SYNDIG1: variants seen among roughly 807,000 people sequenced by gnomAD.
SYNDIG1 encodes synapse differentiation-inducing gene protein 1.
A neutral mutation model predicts 19.4 loss-of-function variants in SYNDIG1; 9 were observed. That is an observed-to-expected ratio of 0.46 (90% CI 0.28 to 0.81). SYNDIG1 has a LOEUF of 0.81. Among genes scored for constraint, SYNDIG1 ranks in the 30% least tolerant of loss-of-function variants. The pLI, the probability that SYNDIG1 is intolerant of heterozygous loss-of-function variation, is 0.12. For missense variants in SYNDIG1, 311 were observed against 343.3 expected (o/e 0.91, Z 0.74); for synonymous variants, 141 against 145.9 (o/e 0.97, Z 0.24).
At chr20:24,575,732 T>G (rs535478734) in intron 2 of SYNDIG1, among the ~76,000 whole-genome samples, 1 of 152,354 alleles carries the variant, frequency 6.6e-6, no homozygotes, top group East Asian at 1.9e-4. Flanking sequence ...TTAGGAATAT[T>G]GGACTAGATA....
At chr20:24,515,163 A>G (rs916015943) in intron 1 of SYNDIG1, among the ~76,000 whole-genome samples, 3 of 152,240 alleles carry the variant, frequency 2.0e-5, no homozygotes, top group African/African-American at 7.2e-5. Context: ...AATGCCCACA[A>G]GAGAAAGCAG....
At chr20:24,528,178 A>G (rs1568613037) in intron 1 of SYNDIG1, among the ~76,000 whole-genome samples, 1 of 152,216 alleles carries the variant, frequency 6.6e-6, no homozygotes, top group Non-Finnish European at 1.5e-5. Context: ...TAATGCTAGA[A>G]ATAACAGTTT....
intron 3 of SYNDIG1, among the ~76,000 whole-genome samples, chr20:24,644,430 C>T (rs1374762364): frequency 6.6e-6 from 1 of 152,234 alleles, no homozygotes; most frequent in African/African-American, 2.4e-5. Context: ...TAGTGCTTTG[C>T]ATAGCACTGG....
At chr20:24,645,604 G>A (rs2059415563) in intron 3 of SYNDIG1, among the ~76,000 whole-genome samples, 1 of 152,214 alleles carries the variant, frequency 6.6e-6, no homozygotes, top group Non-Finnish European at 1.5e-5. Context: ...TCAGCTTTGA[G>A]CCCTCTGGGC....
At chr20:24,558,323 T>G (rs1212127337) in intron 2 of SYNDIG1, among the ~76,000 whole-genome samples, 4 of 152,238 alleles carry the variant, frequency 2.6e-5, no homozygotes, top group African/African-American at 9.6e-5. Flanking sequence ...TCTAATAATA[T>G]TTTCTGTCTT....
chr20:24,630,437 A>G (rs1416806061), intron 3 of SYNDIG1, among the ~76,000 whole-genome samples: 2 of 152,224 alleles, frequency 1.3e-5, no homozygotes, highest in African/African-American at 2.4e-5. Context: ...AGAGAAATGA[A>G]CTCAGAAATG....
intron 1 of SYNDIG1, among the ~76,000 whole-genome samples, chr20:24,541,244 A>G (rs766419888): frequency 2.6e-5 from 4 of 152,232 alleles, no homozygotes; most frequent in South Asian, 4.1e-4. Context: ...ACAGTCTCCA[A>G]GTAAAAAAAT....
At chr20:24,538,364 T>C (rs1241890437) in intron 1 of SYNDIG1, among the ~76,000 whole-genome samples, 5 of 152,220 alleles carry the variant, frequency 3.3e-5, no homozygotes, top group Non-Finnish European at 7.3e-5. Flanking sequence ...CATATGTCTT[T>C]ATGTGACTAG....
rs1158924560 is a variant in SYNDIG1 at position 24,658,445 on chromosome 20, C to T, written c.619-6901C>T. Reference sequence around the variant, plus strand: ...ACACAGGAGCTGCAGGCCGTGGACCCCTGAAGTGGACAGGCGCTCTGGCCG... The same window carrying T: ...ACACAGGAGCTGCAGGCCGTGGACCTCTGAAGTGGACAGGCGCTCTGGCCG... On this transcript the variant is annotated intron_variant, in intron 3 of 3. Transcript: ENST00000376862. The surrounding 1 kb of genome is among the most constrained non-coding windows in gnomAD (Gnocchi z 4.4). Among the ~76,000 whole-genome samples, 1 of 152,070 alleles carries T rather than the reference C, an allele frequency of 6.6e-6. No individual in the cohort carries two copies. The highest frequency in any genetic ancestry group is 1.9e-4 in the East Asian group (1 of 5,172).
At chr20:24,512,210 G>T (rs2056762282) in intron 1 of SYNDIG1, among the ~76,000 whole-genome samples, 1 of 147,660 alleles carries the variant, frequency 6.8e-6, no homozygotes, top group Non-Finnish European at 1.5e-5. Context: ...CTCCCAGCGT[G>T]AGCGATGAAG....
intron 1 of SYNDIG1, among the ~76,000 whole-genome samples, chr20:24,512,336 C>T (rs1003169930): frequency 6.6e-5 from 10 of 150,730 alleles, no homozygotes; most frequent in Non-Finnish European, 1.2e-4. Flanking sequence ...CAAAGCAGGG[C>T]GAGGCATTGC....
At chr20:24,497,362 G>A (rs7267559) in intron 1 of SYNDIG1, among the ~76,000 whole-genome samples, 6,682 of 152,100 alleles carry the variant, frequency 0.044, 188 homozygotes, top group African/African-American at 0.066. Flanking sequence ...CACCAAGCCC[G>A]GCTAATTTTC....
chr20:24,663,951 C>G (rs995355036), intron 3 of SYNDIG1, among the ~76,000 whole-genome samples: 50 of 152,272 alleles, frequency 3.3e-4, no homozygotes, highest in African/African-American at 1.2e-3. Flanking sequence ...ACTTGGCTCA[C>G]CACGACTTCA....
intron 3 of SYNDIG1, among the ~76,000 whole-genome samples, chr20:24,634,788 C>G (rs1222238381): frequency 2.6e-5 from 4 of 152,204 alleles, no homozygotes; most frequent in African/African-American, 9.6e-5. Context: ...AACATGTCCT[C>G]CTGCCAGACT....
At chr20:24,662,841 T>C (rs1312776041) in intron 3 of SYNDIG1, among the ~76,000 whole-genome samples, 1 of 152,188 alleles carries the variant, frequency 6.6e-6, no homozygotes, top group Non-Finnish European at 1.5e-5. Context: ...CTTGACAAAC[T>C]TTTTTGCACC....
rs766020831 is a variant in SYNDIG1, at chr20:24,584,866, C to T, written c.491C>T (p.Ser164Leu). The T allele has an allele frequency of 6.2e-7, 1 of 1,614,164 alleles. No individual in the cohort carries two copies. Among genetic ancestry groups the T allele is most frequent in the Non-Finnish European group, 8.5e-7 (1 of 1,180,026 alleles). ...GGTTCTCTCTTGCAGAGCGACTACT[C>T]AAGCGACACAGAGAGTGAGGACAAT... is the stretch of plus-strand genomic sequence containing the variant. The part of the protein sequence containing the change: ...EEFQELESDY[S>L]SDTESEDNFL... The change falls in exon 3 of 4, where the codon TCA becomes TTA. Residue 164 changes from serine to leucine, a missense_variant. Transcript: ENST00000376862.
intron 1 of SYNDIG1, chr20:24,495,601 C>A (rs1343205832): frequency 6.6e-6 from 1 of 152,280 alleles, no homozygotes; most frequent in Non-Finnish European, 1.5e-5. Flanking sequence ...CTGGAACAAA[C>A]ATGCCAGAGA....
intron 3 of SYNDIG1, among the ~76,000 whole-genome samples, chr20:24,601,841 T>G (rs1001187836): frequency 3.9e-5 from 6 of 152,244 alleles, no homozygotes; most frequent in Non-Finnish European, 7.3e-5. Flanking sequence ...GTGGCTTTTC[T>G]TGTGGTAAAC....
chr20:24,639,356 G>GACA (rs1228657042), intron 3 of SYNDIG1, among the ~76,000 whole-genome samples: 1 of 152,210 alleles, frequency 6.6e-6, no homozygotes, highest in Admixed American at 6.5e-5. Context: ...AGCCTGCAGA[G>GACA]ACAGCAGTCC....
Sources: allele counts gnomAD v4.1 joint callset (sites outside exome capture counted in the v4.1 genomes callset), GRCh38; gene constraint gnomAD v4.1.1; non-coding constraint Gnocchi (gnomAD v3.1); transcripts MANE v1.5; gene names NCBI Gene and HGNC (gene_info 2026-07-23, HGNC 2026-07-21).